Variants in ASAP2 observed in about 807,000 individuals in gnomAD.
The protein encoded by ASAP2 is arf-GAP with SH3 domain, ANK repeat and PH domain-containing protein 2.
A neutral mutation model predicts 131.4 loss-of-function variants in ASAP2; 45 were observed. That is an observed-to-expected ratio of 0.34 (90% CI 0.27 to 0.44). The LOEUF (loss-of-function observed/expected upper bound fraction) is 0.44. Among genes scored for constraint, ASAP2 ranks in the 20% least tolerant of loss-of-function variants. The pLI is 1.00. For missense variants in ASAP2, 1,011 were observed against 1,297.0 expected (o/e 0.78, Z 3.39); for synonymous variants, 510 against 503.0 (o/e 1.01, Z -0.19).
At chr2:9,324,120 T>C (rs1023284802) in intron 6 of ASAP2, among the ~76,000 whole-genome samples, 9 of 152,224 alleles carry the variant, frequency 5.9e-5, no homozygotes, top group African/African-American at 2.2e-4. Flanking sequence ...GAAACTGGCA[T>C]TGGCCAGCTC....
At chr2:9,283,219 A>G (rs1426745849) in intron 2 of ASAP2, among the ~76,000 whole-genome samples, 1 of 152,148 alleles carries the variant, frequency 6.6e-6, no homozygotes, top group Admixed American at 6.5e-5. Context: ...CTGGGATTAC[A>G]GGTGTCTACC....
chr2:9,303,902 G>T (rs546881265), intron 3 of ASAP2, among the ~76,000 whole-genome samples: 6 of 152,358 alleles, frequency 3.9e-5, no homozygotes, highest in Admixed American at 6.5e-5. Context: ...GGCCTTGGGC[G>T]TGGGAGGGAG....
chr2:9,378,282 G>A (rs1389766710), intron 18 of ASAP2, among the ~76,000 whole-genome samples: 2 of 152,132 alleles, frequency 1.3e-5, no homozygotes, highest in African/African-American at 4.8e-5. Flanking sequence ...TAGGATTGAG[G>A]GCCTGTCCCA....
chr2:9,250,740 C>T (rs1664646513), intron 1 of ASAP2, among the ~76,000 whole-genome samples: 1 of 152,160 alleles, frequency 6.6e-6, no homozygotes, highest in Non-Finnish European at 1.5e-5. Flanking sequence ...GTGTCTCAGC[C>T]CCTGAGATGT....
rs572605739 is a variant in ASAP2, at chr2:9,265,034, G to A, written c.127-14283G>A. Among the ~76,000 whole-genome samples, 15 of 152,242 alleles carry A rather than the reference G, an allele frequency of 9.9e-5. No homozygotes were observed. The East Asian group carries it at 2.3e-3, about 23-fold the overall frequency. On this transcript the variant is annotated intron_variant, in intron 1 of 27. Coordinates refer to ENST00000281419, the MANE Select transcript of ASAP2 (RefSeq NM_003887.3). ...GCCTGTGCTCCCAGCTACTCAGGAC[G>A]CTGAGGCAAGAGGATCACTTGAGCC... is the stretch of plus-strand genomic sequence containing the variant.
At chr2:9,373,715 C>T (rs908296597) in intron 16 of ASAP2, among the ~76,000 whole-genome samples, 5 of 152,232 alleles carry the variant, frequency 3.3e-5, no homozygotes, top group Non-Finnish European at 7.3e-5. Flanking sequence ...AGGGGAGCAG[C>T]CGCATTTGTC....
intron 1 of ASAP2, among the ~76,000 whole-genome samples, chr2:9,238,387 G>T (rs1208577007): frequency 1.3e-5 from 2 of 152,202 alleles, no homozygotes; most frequent in East Asian, 3.8e-4. Flanking sequence ...CCAGGCTTTT[G>T]TAAACAAATT....
intron 24 of ASAP2, among the ~76,000 whole-genome samples, chr2:9,395,382 GGA>G (rs1279625616): frequency 6.6e-6 from 1 of 151,926 alleles, no homozygotes; most frequent in Non-Finnish European, 1.5e-5. Context: ...GGCTGAGGCA[GGA>G]GAATCCCTTG....
chr2:9,272,365 T>G (rs1666456784), intron 1 of ASAP2, among the ~76,000 whole-genome samples: 3 of 152,244 alleles, frequency 2.0e-5, no homozygotes, highest in African/African-American at 7.2e-5. Flanking sequence ...TCTTTGGAGA[T>G]ATGTCTATTT....
At chr2:9,208,876 T>G (rs1158668611) in intron 1 of ASAP2, among the ~76,000 whole-genome samples, 1 of 152,270 alleles carries the variant, frequency 6.6e-6, no homozygotes, top group Non-Finnish European at 1.5e-5. Flanking sequence ...TGTCTTTCTT[T>G]AGAAAGCTTG....
At chr2:9,328,572 G>A (rs953634776) in intron 7 of ASAP2, among the ~76,000 whole-genome samples, 1 of 152,246 alleles carries the variant, frequency 6.6e-6, no homozygotes, top group African/African-American at 2.4e-5. Flanking sequence ...ACTGTGATGA[G>A]CAAAGGAAGA....
At chr2:9,249,195 G>A (rs1471564609) in intron 1 of ASAP2, among the ~76,000 whole-genome samples, 1 of 152,192 alleles carries the variant, frequency 6.6e-6, no homozygotes, top group East Asian at 1.9e-4. Flanking sequence ...TCCTCTGTCA[G>A]ACAGCAATGG....
Position 9,329,945 on chromosome 2 carries a change from G to A in ASAP2, c.686+2034G>A, listed in dbSNP as rs535904918. Among the ~76,000 whole-genome samples the A allele has an allele frequency of 7.2e-5, 11 of 152,212 alleles. No individual in the cohort carries two copies. In the East Asian group the frequency reaches 1.9e-3, roughly 27 times the overall value. On this transcript the variant is annotated intron_variant, in intron 7 of 27. Transcript: ENST00000281419. The stretch of plus-strand genomic sequence containing the variant: ...CTTCCTCCTGTGTTGCCACCACACC[G>A]TCTGCTTGTCTCCATGATGACATCT...
intron 15 of ASAP2, among the ~76,000 whole-genome samples, chr2:9,359,315 C>G (rs986713445): frequency 1.3e-5 from 2 of 152,270 alleles, no homozygotes; most frequent in Non-Finnish European, 2.9e-5. Context: ...CTCCCTACCC[C>G]AGATTGTCCC....
At position 9,393,710 on chromosome 2, in the gene ASAP2, G is replaced by T. The variant is rs1675902533; in HGVS notation, c.2684+63G>T. 7 of 1,472,334 alleles carry T rather than the reference G, an allele frequency of 4.8e-6. No homozygotes were observed. In the South Asian group the frequency reaches 8.8e-5, roughly 19 times the overall value. The allele number at this position is 1,472,334 out of a possible 1,614,324, so 91.2% of individuals were successfully genotyped here. ...TGCCCTCTGACCTCACCTGCCCAGG[G>T]CTCTGCAGGAATGTTTGCAATCCCC... On this transcript the variant is annotated intron_variant, in intron 24 of 27. Coordinates refer to ENST00000281419, the MANE Select transcript of ASAP2 (RefSeq NM_003887.3).
At chr2:9,270,946 C>T (rs1173893254) in intron 1 of ASAP2, among the ~76,000 whole-genome samples, 17 of 151,576 alleles carry the variant, frequency 1.1e-4, no homozygotes, top group African/African-American at 4.1e-4. Flanking sequence ...GTGCCCGCCA[C>T]TACGCCCGGC....
chr2:9,240,190 C>G (rs549403866), intron 1 of ASAP2, among the ~76,000 whole-genome samples: 4 of 151,468 alleles, frequency 2.6e-5, no homozygotes, highest in Admixed American at 6.6e-5. Context: ...TAATATTGAA[C>G]TAGTTTGCCT....
chr2:9,283,629 G>A (rs747145838), intron 2 of ASAP2, among the ~76,000 whole-genome samples: 23 of 152,072 alleles, frequency 1.5e-4, no homozygotes, highest in African/African-American at 4.3e-4. Context: ...TAGATGGCTC[G>A]GGCTGCTATA....
chr2:9,354,473 G>A lies in ASAP2; in HGVS notation c.1112-1574G>A, dbSNP rs79727792. ...CCTCCTGCTTGTGCAGTTTTTACAC[G>A]TCAGAATGCAGAAATTGGCCAGGTG... On this transcript the variant is annotated intron_variant, in intron 12 of 27. Transcript: ENST00000281419. Among the ~76,000 whole-genome samples the A allele has an allele frequency of 4.8e-3, 736 of 152,066 alleles. 5 individuals are homozygous for A. Among genetic ancestry groups the A allele is most frequent in the African/African-American group, 0.017 (714 of 41,474 alleles).
Sources: allele counts gnomAD v4.1 joint callset (sites outside exome capture counted in the v4.1 genomes callset), GRCh38; gene constraint gnomAD v4.1.1; transcripts MANE v1.5; gene names NCBI Gene and HGNC (gene_info 2026-07-23, HGNC 2026-07-21).